Variants in WDR62 observed in about 807,000 individuals in gnomAD.
WDR62 encodes WD repeat-containing protein 62.
Under a neutral mutation model 160.6 loss-of-function variants are expected in WDR62, and 112 were observed. That is an observed-to-expected ratio of 0.70 (90% confidence interval 0.60 to 0.82). The LOEUF (loss-of-function observed/expected upper bound fraction) is 0.82. WDR62 is among the 40% of genes least tolerant of loss of function. The pLI, the probability that WDR62 is intolerant of heterozygous loss-of-function variation, is 0.00. For synonymous variants in WDR62, 792 were observed against 815.1 expected (o/e 0.97, Z 0.48); for missense variants, 1,819 against 1,983.8 (o/e 0.92, Z 1.58).
chr19:36,090,668 G>A (rs1257222398), intron 16 of WDR62, 148 bp downstream of exon 16: 11 of 780,104 alleles, frequency 1.4e-5, no homozygotes, highest in Admixed American at 8.0e-5. Flanking sequence ...GGATGCTTGC[G>A]AGAGGGTGGG....
rs1972588994 is a variant in WDR62, at chr19:36,091,297, T to C, written c.2132T>C (p.Met711Thr). 2 of 1,613,928 alleles carry C rather than the reference T, an allele frequency of 1.2e-6. No homozygotes were observed. Among genetic ancestry groups the C allele is most frequent in the Non-Finnish European group, 8.5e-7 (1 of 1,180,026 alleles). ...TACTCGGGCGAGTGCATTGCCAAGA[T>C]GTTTGGCCATTCAGGTGGGTGTGCC... is the stretch of plus-strand genomic sequence containing the variant. ...DFYSGECIAK[M>T]FGHSEIITSM... Residue 711 changes from methionine to threonine, a missense_variant, in exon 17 of 32, where the codon ATG becomes ACG. Met to Thr is a moderately conservative substitution (Grantham distance 81). This residue lies in a region of WDR62 where 934 missense variants were observed against 1,157.2 expected (regional missense o/e 0.81). Coordinates refer to ENST00000401500, the MANE Select transcript of WDR62 (RefSeq NM_001083961.2).
chr19:36,101,339 AC>A (rs780494666), intron 24 of WDR62, 22 bp downstream of exon 24: 1 of 1,589,890 alleles, frequency 6.3e-7, no homozygotes, highest in Non-Finnish European at 8.6e-7. Context: ...GCAGGCAGGG[AC>A]CCTGTGACAG....
At chr19:36,056,217 T>G (rs1465759296) in intron 1 of WDR62, among the ~76,000 whole-genome samples, 1 of 152,056 alleles carries the variant, frequency 6.6e-6, no homozygotes, top group African/African-American at 2.4e-5. Context: ...AAATGAAATT[T>G]TAATTGTGAT....
At chr19:36,062,766 G>A (rs1396417882) in intron 3 of WDR62, 1 of 149,566 alleles carries the variant, frequency 6.7e-6, no homozygotes, top group Non-Finnish European at 1.5e-5. Context: ...ATCAGGAAAT[G>A]AAAATTGATA....
intron 5 of WDR62, 31 bp from the exon 6 acceptor site, chr19:36,067,275 G>A (rs1267287406): frequency 3.7e-6 from 6 of 1,613,940 alleles, no homozygotes; most frequent in Non-Finnish European, 5.1e-6. Context: ...AATGAGTGCT[G>A]GCATGAGCTT....
intron 9 of WDR62, chr19:36,073,968 T>A (rs1239575894): frequency 2.9e-6 from 1 of 341,946 alleles, no homozygotes; most frequent in African/African-American, 2.1e-5. Context: ...AGAGCTTTGC[T>A]GTGGAGGTCG....
chr19:36,104,398 C>T, intron 30 of WDR62, 120 bp from the exon 31 acceptor site: 1 of 1,303,562 alleles, frequency 7.7e-7, no homozygotes, highest in Non-Finnish European at 1.1e-6. Context: ...GGGGAGGGAG[C>T]CTTGGGGACC....
downstream of WDR62, among the ~76,000 whole-genome samples, chr19:36,105,817 G>T (rs943128860): frequency 2.6e-5 from 4 of 152,024 alleles, no homozygotes; most frequent in Non-Finnish European, 5.9e-5. Flanking sequence ...TCCTGCCTCA[G>T]CCTCCCGAGT....
rs1336692656 is a variant in WDR62, at chr19:36,059,983, T to G, written c.285T>G (p.Ile95Met). The change falls in exon 3 of 32, where the codon ATT (isoleucine) becomes ATG (methionine). Residue 95 changes from isoleucine (I) to methionine (M), a missense_variant. Ile to Met is a conservative substitution (Grantham distance 10). This residue lies in a region of WDR62 where 934 missense variants were observed against 1,157.2 expected (regional missense o/e 0.81). Coordinates refer to ENST00000401500, the MANE Select transcript of WDR62 (RefSeq NM_001083961.2). Reference protein sequence around the residue: ...VAYLAGCVVVILDPKENKQQH... With the variant: ...VAYLAGCVVVMLDPKENKQQH... ...TTCTTCCCAGCTGTGTGGTGGTGAT[T>G]TTGGACCCCAAGGAGAACAAGCAGC... The G allele has an allele frequency of 1.2e-6, 2 of 1,614,128 alleles. No homozygotes were observed. The highest frequency in any genetic ancestry group is 4.5e-5 in the East Asian group (2 of 44,874).
chr19:36,101,307 C>T lies in WDR62; in HGVS notation c.2961C>T (p.Ser987=). The T allele has an allele frequency of 1.9e-6, 3 of 1,610,600 alleles. No homozygotes were observed. The highest frequency in any genetic ancestry group is 4.5e-5 in the East Asian group (2 of 44,772). ...CCTCCGACAGCCCAAAGGACCAGAG[C>T]CCGCCTGAGGGTGAGTGCAGGGCAG... ...RVSSDSPKDQ[S]PPEDSGESEA... Residue 987 remains serine, a synonymous_variant, in exon 24 of 32, where the codon AGC becomes AGT. Transcript: ENST00000401500.
At chr19:36,091,980 C>T (rs543968880) in intron 18 of WDR62, among the ~76,000 whole-genome samples, 8 of 152,010 alleles carry the variant, frequency 5.3e-5, no homozygotes, top group Admixed American at 5.2e-4. Flanking sequence ...AGTTTGCTCC[C>T]CTGTAAAAGA....
chr19:36,084,796 T>A (rs761292984), intron 12 of WDR62, 52 bp downstream of exon 12: 2 of 1,547,290 alleles, frequency 1.3e-6, no homozygotes, highest in South Asian at 2.2e-5. Context: ...GCAGCCCCCC[T>A]GGCAGGGCCA....
chr19:36,067,477 C>T (rs983340312), intron 6 of WDR62, 34 bp downstream of exon 6: 1 of 1,613,736 alleles, frequency 6.2e-7, no homozygotes, highest in Non-Finnish European at 8.5e-7. Flanking sequence ...TAGCCAGGCC[C>T]TGAGGGAGTC....
chr19:36,100,743 C>T lies in WDR62; in HGVS notation c.2740-5C>T. 2 of 1,613,998 alleles carry T rather than the reference C, an allele frequency of 1.2e-6. No homozygotes were observed. The highest frequency in any genetic ancestry group is 1.7e-4 in the Middle Eastern group (1 of 6,060). On this transcript the variant is annotated splice_region_variant and splice_polypyrimidine_tract_variant and intron_variant, in intron 22 of 31. Coordinates refer to ENST00000401500, the MANE Select transcript of WDR62 (RefSeq NM_001083961.2). ...CTCAGAATGGCTGTGCTGTCTTCCC[C>T]ATAGTCAGAGAGTCCCCAGGAAGCT...
intron 26 of WDR62, 110 bp downstream of exon 26, chr19:36,102,261 C>T: frequency 6.7e-7 from 1 of 1,501,926 alleles, no homozygotes; most frequent in South Asian, 1.1e-5. Context: ...GAGTGGAGAG[C>T]AACTGCTTCG....
chr19:36,103,687 T>G lies in WDR62; in HGVS notation c.3859T>G (p.Ser1287Ala). 1 of 1,610,314 alleles carries G rather than the reference T, an allele frequency of 6.2e-7. No individual in the cohort carries two copies. Among genetic ancestry groups the G allele is most frequent in the Non-Finnish European group, 8.5e-7 (1 of 1,179,974 alleles). ...TGAGGGCCAAGAGCCTGCCCTGCGT[T>G]CCTGGGGCAACCACGAGGCCCGGGC... ...DSEGQEPALR[S>A]WGNHEARANL... Residue 1287 changes from serine (S) to alanine (A), a missense_variant, in exon 30 of 32, where the codon TCC (serine) becomes GCC (alanine). Ser to Ala is a moderately conservative substitution (Grantham distance 99). Transcript: ENST00000401500.
At chr19:36,101,907 C>A (rs1404588124) in intron 25 of WDR62, 107 bp from the exon 26 acceptor site, 11 of 1,568,052 alleles carry the variant, frequency 7.0e-6, no homozygotes, top group Admixed American at 1.7e-5. Context: ...TCTCAGCCTG[C>A]GGGCAACAGG....
chr19:36,094,716 C>A (rs1972852347), intron 20 of WDR62, among the ~76,000 whole-genome samples: 1 of 151,684 alleles, frequency 6.6e-6, no homozygotes, highest in Non-Finnish European at 1.5e-5. Context: ...ATAGCGAGAG[C>A]CCATCTATGC....
At chr19:36,090,333 G>A in intron 15 of WDR62, 112 bp from the exon 16 acceptor site, 4 of 966,388 alleles carry the variant, frequency 4.1e-6, no homozygotes, top group Non-Finnish European at 5.0e-6. Flanking sequence ...CATCAGATGG[G>A]GACAAGAGGT....
Sources: gnomAD v4.1 joint callset for allele counts (sites outside exome capture counted in the v4.1 genomes callset) on GRCh38, gnomAD v4.1.1 for gene constraint, gnomAD v4.1.1 regional missense constraint, MANE v1.5 for transcripts, NCBI Gene and HGNC (gene_info 2026-07-23, HGNC 2026-07-21) for gene names.